The following ZNF705G variants were observed in gnomAD, a reference collection of about 807,000 sequenced individuals.
ZNF705G encodes the protein putative zinc finger protein 705G.
ZNF705G carries 23 observed loss-of-function variants against 19.6 expected under a neutral mutation model. That is an observed-to-expected ratio of 1.17 (90% CI 0.84 to 1.66). ZNF705G has a LOEUF of 1.66. Among genes scored for constraint, ZNF705G ranks in the 40% most tolerant of loss-of-function variants. The probability of loss-of-function intolerance (pLI) is 0.00; values close to 1 mark genes in which losing one functional copy is unlikely to be tolerated. For missense variants in ZNF705G, 457 were observed against 354.4 expected (o/e 1.29, Z -2.32); for synonymous variants, 146 against 117.7 (o/e 1.24, Z -1.56).
chr8:7,379,244 G>A (rs2719537), intron 2 of ZNF705G, among the ~76,000 whole-genome samples: 22 of 147,068 alleles, frequency 1.5e-4, no homozygotes, highest in Admixed American at 2.6e-4. Flanking sequence ...TCAAAATCTC[G>A]GAGATTGAGA....
chr8:7,358,749 C>T (rs1806417175), intron 6 of ZNF705G, among the ~76,000 whole-genome samples, 189 bp from the exon 7 acceptor site: 2 of 149,418 alleles, frequency 1.3e-5, no homozygotes. Flanking sequence ...AAAAATCAAG[C>T]TGGGAACTGG....
chr8:7,358,514 C>T lies in ZNF705G; in HGVS notation c.365G>A (p.Gly122Glu). The T allele has an allele frequency of 6.2e-7, 1 of 1,607,564 alleles. No individual in the cohort carries two copies. The highest frequency in any genetic ancestry group is 8.5e-7 in the Non-Finnish European group (1 of 1,179,582). Residue 122 changes from glycine (G) to glutamate (E), a missense_variant, in exon 7 of 7, where the codon GGA becomes GAA. Gly to Glu is a moderately conservative substitution (Grantham distance 98). Transcript: ENST00000400156. ...LEDPFECNDS[G>E]EDCTRSSTIT... Reference sequence around the variant, plus strand: ...TGTGGAACTGCGAGTGCAATCTTCTCCCGAATCATTACATTCAAAAGGATC... The same window carrying T: ...TGTGGAACTGCGAGTGCAATCTTCTTCCGAATCATTACATTCAAAAGGATC...
At chr8:7,383,175 G>A (rs1807579317) in intron 1 of ZNF705G, among the ~76,000 whole-genome samples, 1 of 146,684 alleles carries the variant, frequency 6.8e-6, no homozygotes, top group African/African-American at 2.6e-5. Flanking sequence ...ATAATTCTAG[G>A]CAGGCTCTTA....
In ZNF705G at chr8:7,363,856, A is replaced by G. The variant is rs563610927; in HGVS notation, c.-71-839T>C. Among the ~76,000 whole-genome samples, 117 of 149,392 alleles carry G rather than the reference A, an allele frequency of 7.8e-4. 15 individuals are homozygous for G. Among genetic ancestry groups the G allele is most frequent in the African/African-American group, 3.0e-3 (115 of 38,838 alleles). ...ATCTGTTTTAGGATGGGGATAATCA[A>G]TTGAGGGATTTATTTCACTTAGAGG... is the stretch of plus-strand genomic sequence containing the variant. On this transcript the variant is annotated intron_variant, in intron 2 of 6. Coordinates refer to ENST00000400156, the MANE Select transcript of ZNF705G (RefSeq NM_001164457.3).
intron 2 of ZNF705G, among the ~76,000 whole-genome samples, chr8:7,364,370 TAA>T (rs1806757930): frequency 6.7e-6 from 1 of 149,474 alleles, no homozygotes; most frequent in Non-Finnish European, 1.5e-5. Context: ...CCAGGAAAAA[TAA>T]AAAGAGTAAC....
chr8:7,371,447 G>T (rs1221628205), intron 2 of ZNF705G, among the ~76,000 whole-genome samples: 1 of 117,684 alleles, frequency 8.5e-6, no homozygotes, highest in African/African-American at 3.3e-5. Context: ...TTGCTAAAAG[G>T]GTAGATTTTG....
At chr8:7,370,746 A>G (rs1807066368) in intron 2 of ZNF705G, among the ~76,000 whole-genome samples, 1 of 129,760 alleles carries the variant, frequency 7.7e-6, no homozygotes, top group Non-Finnish European at 1.6e-5. Context: ...TCATTCTATT[A>G]TAAAGATACA....
intron 2 of ZNF705G, among the ~76,000 whole-genome samples, chr8:7,364,506 T>A (rs1436666675): frequency 2.7e-5 from 4 of 149,510 alleles, no homozygotes; most frequent in Non-Finnish European, 5.9e-5. Flanking sequence ...GTTTGAAAAA[T>A]ATGACAAAAT....
intron 3 of ZNF705G, among the ~76,000 whole-genome samples, chr8:7,362,192 C>T (rs1191166255): frequency 6.7e-6 from 1 of 149,596 alleles, no homozygotes; most frequent in African/African-American, 2.6e-5. Context: ...ACTCTATCTA[C>T]TATATTCCTT....
chr8:7,355,820 T>C lies in ZNF705G; in HGVS notation c.*2156A>G, dbSNP rs1397954713. 3.3e-5 allele frequency: 5 copies of C among 149,596 alleles called. No individual in the cohort carries two copies. The highest frequency in any genetic ancestry group is 7.4e-5 in the Non-Finnish European group (5 of 68,014). 9.3% of individuals were successfully genotyped at this position (149,596 alleles called of 1,614,324 possible). On this transcript the variant is annotated 3_prime_UTR_variant, in exon 7 of 7. Coordinates refer to ENST00000400156, the MANE Select transcript of ZNF705G (RefSeq NM_001164457.3). ...AAACAATAAATAATGATATGAGCTC[T>C]GCCTGGACACAGTCCTTGCCTCTCC...
At chr8:7,376,451 G>T (rs1488803382) in intron 2 of ZNF705G, among the ~76,000 whole-genome samples, 1 of 112,268 alleles carries the variant, frequency 8.9e-6, no homozygotes, top group African/African-American at 3.9e-5. Context: ...TCATGGAAAA[G>T]GTGCTCTGTG....
intron 2 of ZNF705G, among the ~76,000 whole-genome samples, chr8:7,369,261 G>A (rs1216959071): frequency 2.0e-5 from 3 of 149,538 alleles, no homozygotes; most frequent in African/African-American, 5.1e-5. Context: ...CATATCAGAA[G>A]CCTTTGCCTG....
chr8:7,369,565 ATAAAT>A (rs1807006497), intron 2 of ZNF705G, among the ~76,000 whole-genome samples: 1 of 149,782 alleles, frequency 6.7e-6, no homozygotes, highest in South Asian at 2.1e-4. Flanking sequence ...CCAAAAGAAA[ATAAAT>A]TGTTCTACCA....
intron 2 of ZNF705G, among the ~76,000 whole-genome samples, chr8:7,379,310 T>A (rs1807384183): frequency 1.4e-5 from 2 of 147,482 alleles, no homozygotes; most frequent in Non-Finnish European, 2.9e-5. Context: ...AGTGCACTCT[T>A]GAAACTGCAT....
rs1225405484 is a variant in ZNF705G at position 7,385,523 on chromosome 8, A to G, written c.-247T>C. The stretch of plus-strand genomic sequence containing the variant: ...CTTGCAGTTGGTTCCTCCACCCTCC[A>G]CAGGCTGTGTGCTGTATGTCCCTTG... On this transcript the variant is annotated 5_prime_UTR_variant, in exon 1 of 7. Coordinates refer to ENST00000400156, the MANE Select transcript of ZNF705G (RefSeq NM_001164457.3). 2 of 148,294 alleles carry G rather than the reference A, an allele frequency of 1.3e-5. No homozygotes were observed. Among genetic ancestry groups the G allele is most frequent in the African/African-American group, 5.3e-5 (2 of 38,014 alleles). 9.2% of individuals were successfully genotyped at this position (148,294 alleles called of 1,614,324 possible).
At chr8:7,369,112 G>T (rs1220931692) in intron 2 of ZNF705G, among the ~76,000 whole-genome samples, 1 of 149,452 alleles carries the variant, frequency 6.7e-6, no homozygotes, top group Non-Finnish European at 1.5e-5. Context: ...CAACTCGTGA[G>T]ACTTATTCAC....
intron 2 of ZNF705G, among the ~76,000 whole-genome samples, chr8:7,369,240 C>T (rs1159594871): frequency 1.3e-5 from 2 of 149,518 alleles, no homozygotes; most frequent in South Asian, 2.1e-4. Flanking sequence ...GGTGGGGACA[C>T]AGAGCCAAAC....
chr8:7,371,105 A>G (rs1807080840), intron 2 of ZNF705G, among the ~76,000 whole-genome samples: 1 of 142,678 alleles, frequency 7.0e-6, no homozygotes, highest in African/African-American at 2.8e-5. Flanking sequence ...TGGCTAATAC[A>G]TATATGCAAT....
At position 7,374,884 on chromosome 8, in the gene ZNF705G, T is replaced by C; in HGVS notation, c.-72+6568A>G. 2.2e-5 allele frequency among the ~76,000 whole-genome samples: 2 copies of C among 92,304 alleles called. 1 individual carries two copies. The highest frequency in any genetic ancestry group is 4.2e-5 in the Non-Finnish European group (2 of 47,446). The allele number at this position is 92,304 out of a possible 152,430, so 60.6% of individuals were successfully genotyped here. On this transcript the variant is annotated intron_variant, in intron 2 of 6. Coordinates refer to ENST00000400156, the MANE Select transcript of ZNF705G (RefSeq NM_001164457.3). ...AAGCAAATGGCCGGAAAAGACATAG[T>C]GTCCACAATATGCAATACACAAGGT...
Sources: gnomAD v4.1 joint callset for allele counts (sites outside exome capture counted in the v4.1 genomes callset) on GRCh38, gnomAD v4.1.1 for gene constraint, MANE v1.5 for transcripts, NCBI Gene and HGNC (gene_info 2026-07-23, HGNC 2026-07-21) for gene names.